HPSE2: variants seen among roughly 807,000 people sequenced by gnomAD.
HPSE2 encodes heparanase 2 (inactive), also known as inactive heparanase-2.
HPSE2 carries 38 observed loss-of-function variants against 60.5 expected under a neutral mutation model. The observed-to-expected ratio is 0.63, with a 90% CI of 0.48 to 0.82. The LOEUF (loss-of-function observed/expected upper bound fraction) is 0.82. HPSE2 is among the 40% of genes least tolerant of loss of function. The pLI, the probability that HPSE2 is intolerant of heterozygous loss-of-function variation, is 0.00. For synonymous variants in HPSE2, 295 were observed against 293.2 expected, an observed-to-expected ratio of 1.01 and a Z score of -0.06; for missense variants, 713 against 740.4, an observed-to-expected ratio of 0.96 and a Z score of 0.43.
At chr10:98,690,058 C>T (rs1024671074) in intron 6 of HPSE2, among the ~76,000 whole-genome samples, 2 of 152,132 alleles carry the variant, frequency 1.3e-5, no homozygotes, top group Non-Finnish European at 2.9e-5. Context: ...ATATACATTT[C>T]AGGGATCAGA....
At chr10:99,149,714 T>C (rs1846188340) in intron 2 of HPSE2, among the ~76,000 whole-genome samples, 1 of 152,196 alleles carries the variant, frequency 6.6e-6, no homozygotes, top group Non-Finnish European at 1.5e-5. Flanking sequence ...AACACTTTTA[T>C]GGTTCCACAA....
At chr10:99,027,124 G>A (rs182111268) in intron 3 of HPSE2, among the ~76,000 whole-genome samples, 1 of 151,668 alleles carries the variant, frequency 6.6e-6, no homozygotes, top group Admixed American at 6.6e-5. Flanking sequence ...AAAGATCAAA[G>A]CAGAAATAAA....
At chr10:98,698,850 C>A (rs1426892026) in intron 5 of HPSE2, among the ~76,000 whole-genome samples, 7 of 151,732 alleles carry the variant, frequency 4.6e-5, no homozygotes, top group African/African-American at 7.2e-5. Flanking sequence ...CCATCAGAGA[C>A]TACTACAAAC....
At chr10:98,645,254 A>G (rs1268486722) in intron 6 of HPSE2, among the ~76,000 whole-genome samples, 1 of 152,254 alleles carries the variant, frequency 6.6e-6, no homozygotes, top group Non-Finnish European at 1.5e-5. Flanking sequence ...ACTATATACC[A>G]CGTAGCTGGG....
intron 6 of HPSE2, among the ~76,000 whole-genome samples, chr10:98,687,404 TA>T (rs1431699280): frequency 1.3e-5 from 2 of 152,178 alleles, no homozygotes; most frequent in African/African-American, 4.8e-5. Context: ...TCCTCTCTAT[TA>T]AAACTCCCTA....
intron 2 of HPSE2, among the ~76,000 whole-genome samples, chr10:99,231,605 T>C (rs1267603923): frequency 2.0e-5 from 3 of 152,140 alleles, no homozygotes; most frequent in East Asian, 1.9e-4. Context: ...GCCTCTCAGA[T>C]TGAAATAAGA....
At chr10:98,790,392 A>C (rs559266457) in intron 3 of HPSE2, among the ~76,000 whole-genome samples, 1 of 152,362 alleles carries the variant, frequency 6.6e-6, no homozygotes, top group East Asian at 1.9e-4. Context: ...CCAGGCACAA[A>C]GAGACAAATA....
At chr10:98,849,412 G>A (rs1417279259) in intron 3 of HPSE2, among the ~76,000 whole-genome samples, 1 of 152,308 alleles carries the variant, frequency 6.6e-6, no homozygotes, top group East Asian at 1.9e-4. Flanking sequence ...TCATTAAACA[G>A]AATCAGAGTA....
intron 3 of HPSE2, among the ~76,000 whole-genome samples, chr10:98,789,783 A>G (rs1180472453): frequency 6.6e-6 from 1 of 152,208 alleles, no homozygotes; most frequent in African/African-American, 2.4e-5. Context: ...CAAATGGGGA[A>G]AAGAAGGCTA....
intron 9 of HPSE2, among the ~76,000 whole-genome samples, chr10:98,502,310 C>T (rs1942052566): frequency 6.6e-6 from 1 of 152,110 alleles, no homozygotes; most frequent in South Asian, 2.1e-4. Flanking sequence ...TACTATTAGG[C>T]CATAGTCACC....
chr10:99,005,919 C>T (rs566501062), intron 3 of HPSE2, among the ~76,000 whole-genome samples: 9 of 152,118 alleles, frequency 5.9e-5, no homozygotes, highest in Non-Finnish European at 1.0e-4. Flanking sequence ...CATGTAGCCT[C>T]GTAACTGGGT....
chr10:98,495,932 G>C (rs1402858342), intron 9 of HPSE2, among the ~76,000 whole-genome samples: 1 of 151,830 alleles, frequency 6.6e-6, no homozygotes, highest in Non-Finnish European at 1.5e-5. Flanking sequence ...TTGTTTATTT[G>C]TATGCTTTGT....
intron 3 of HPSE2, among the ~76,000 whole-genome samples, chr10:98,993,778 A>G (rs1260471044): frequency 2.0e-5 from 3 of 152,130 alleles, no homozygotes; most frequent in Non-Finnish European, 2.9e-5. Flanking sequence ...TTTCCTGAAC[A>G]GCATCTCTAA....
chr10:98,587,786 A>C lies in HPSE2; in HGVS notation c.1320+27118T>G, dbSNP rs141260434. ...ACCTGGCATTTTTGAGTAAAGGCTT[A>C]TGCTAACATTCTCTGGTTGATTTTC... is the stretch of plus-strand genomic sequence containing the variant. On this transcript the variant is annotated intron_variant, in intron 9 of 11. Coordinates refer to ENST00000370552, the MANE Select transcript of HPSE2 (RefSeq NM_021828.5). Among the ~76,000 whole-genome samples, 5 of 152,328 alleles carry C rather than the reference A, an allele frequency of 3.3e-5. No homozygotes were observed. In the East Asian group the frequency reaches 9.6e-4, roughly 29 times the overall value.
rs138903722 is a variant in HPSE2 at position 98,732,692 on chromosome 10, T to C, written c.785-10864A>G. 1.3e-3 allele frequency among the ~76,000 whole-genome samples: 200 copies of C among 152,172 alleles called. 1 individual carries two copies. Among genetic ancestry groups the C allele is most frequent in the Admixed American group, 0.012 (182 of 15,286 alleles). Reference sequence around the variant, plus strand: ...ACAATGAAACTTTTAGAAGAAAATATAGGAAAAAACTCCTTGTTATCTTGG... The same window carrying C: ...ACAATGAAACTTTTAGAAGAAAATACAGGAAAAAACTCCTTGTTATCTTGG... On this transcript the variant is annotated intron_variant, in intron 4 of 11. Coordinates refer to ENST00000370552, the MANE Select transcript of HPSE2 (RefSeq NM_021828.5).
intron 3 of HPSE2, among the ~76,000 whole-genome samples, chr10:98,929,694 C>T (rs766024184): frequency 2.1e-5 from 3 of 143,566 alleles, no homozygotes; most frequent in East Asian, 2.0e-4. Flanking sequence ...GCTTCTATTT[C>T]GATAAAGAAA....
chr10:99,164,564 T>G (rs1000750714), intron 2 of HPSE2, among the ~76,000 whole-genome samples: 1 of 152,040 alleles, frequency 6.6e-6, no homozygotes. Context: ...GCACCACATG[T>G]GTTCATTGCT....
At chr10:98,781,895 T>C (rs1376292326) in intron 3 of HPSE2, among the ~76,000 whole-genome samples, 1 of 149,498 alleles carries the variant, frequency 6.7e-6, no homozygotes, top group East Asian at 1.9e-4. Context: ...TATATGGATG[T>C]TTTTTGTTGA....
chr10:99,194,297 C>CAA (rs1848319858), intron 2 of HPSE2, among the ~76,000 whole-genome samples: 2 of 151,508 alleles, frequency 1.3e-5, no homozygotes, highest in Non-Finnish European at 3.0e-5. Context: ...AAGTCTGTAG[C>CAA]AATAAATACC....
Sources: gnomAD v4.1 joint callset for allele counts (sites outside exome capture counted in the v4.1 genomes callset) on GRCh38, gnomAD v4.1.1 for gene constraint, MANE v1.5 for transcripts, NCBI Gene and HGNC (gene_info 2026-07-23, HGNC 2026-07-21) for gene names.